The following CADM2 variants were observed in gnomAD, a reference collection of about 807,000 sequenced individuals.
The protein encoded by CADM2 is cell adhesion molecule 2, also known as immunoglobulin superfamily member 4D.
In CADM2, 12 loss-of-function variants were observed where a neutral mutation model predicts 49.8. The observed-to-expected ratio is 0.24, with a 90% CI of 0.15 to 0.39. The LOEUF is 0.39. Among genes scored for constraint, CADM2 ranks in the 10% least tolerant of loss-of-function variants. The pLI is 1.00. For synonymous variants in CADM2, 214 were observed against 175.4 expected (o/e 1.22, Z -1.74); for missense variants, 378 against 492.3 (o/e 0.77, Z 2.20).
At chr3:85,135,487 T>C (rs1400442535) in intron 1 of CADM2, among the ~76,000 whole-genome samples, 1 of 152,118 alleles carries the variant, frequency 6.6e-6, no homozygotes, top group Non-Finnish European at 1.5e-5. Flanking sequence ...TGTATAATGC[T>C]GTAGAATTTA....
intron 1 of CADM2, among the ~76,000 whole-genome samples, chr3:85,109,457 GA>G (rs1479877007): frequency 6.6e-6 from 1 of 151,798 alleles, no homozygotes; most frequent in Non-Finnish European, 1.5e-5. Flanking sequence ...AGTAGGGGGG[GA>G]AATAGTAAAG....
intron 1 of CADM2, among the ~76,000 whole-genome samples, chr3:85,512,707 A>G (rs879325698): frequency 9.2e-5 from 14 of 152,088 alleles, no homozygotes; most frequent in Admixed American, 5.2e-4. Flanking sequence ...TTTCAAATAC[A>G]AAAAGATACT....
intron 6 of CADM2, among the ~76,000 whole-genome samples, chr3:85,922,241 A>C (rs1302041058): frequency 7.0e-6 from 1 of 142,216 alleles, no homozygotes; most frequent in African/African-American, 2.6e-5. Context: ...CTATATTGTA[A>C]TTATGTTATG....
intron 1 of CADM2, among the ~76,000 whole-genome samples, chr3:85,384,264 A>G (rs2034078969): frequency 1.3e-5 from 2 of 152,050 alleles, no homozygotes; most frequent in South Asian, 4.1e-4. Flanking sequence ...GCTGAAATGC[A>G]TGTGTGCATT....
At chr3:85,290,210 C>T (rs145761972) in intron 1 of CADM2, among the ~76,000 whole-genome samples, 4,611 of 152,232 alleles carry the variant, frequency 0.03, 90 homozygotes, top group South Asian at 0.047. Flanking sequence ...CACTCCCACC[C>T]GAATACTGCG....
At chr3:85,212,860 T>TCTCTCTCTCTCTCTCTCTC (rs1559723747) in intron 1 of CADM2, among the ~76,000 whole-genome samples, 1 of 114,858 alleles carries the variant, frequency 8.7e-6, no homozygotes, top group Non-Finnish European at 1.9e-5. Context: ...CTTTCTTTCT[T>TCTCTCTCTCTCTCTCTCTC]TCTTTCTTTC....
At chr3:85,701,979 GATAGAT>G (rs1289351228) in intron 1 of CADM2, among the ~76,000 whole-genome samples, 1 of 60,922 alleles carries the variant, frequency 1.6e-5, no homozygotes, top group Non-Finnish European at 3.5e-5. Flanking sequence ...GACATAGATA[GATAGAT>G]AGATAGATAG....
intron 1 of CADM2, among the ~76,000 whole-genome samples, chr3:85,288,503 ATAT>A (rs1468805604): frequency 6.6e-6 from 1 of 152,098 alleles, no homozygotes; most frequent in Non-Finnish European, 1.5e-5. Flanking sequence ...TAAAATAATA[ATAT>A]TAATATTGAT....
intron 1 of CADM2, among the ~76,000 whole-genome samples, chr3:85,348,246 T>C (rs886801847): frequency 1.3e-5 from 2 of 152,138 alleles, no homozygotes; most frequent in Admixed American, 1.3e-4. Context: ...TCTCTCTTAC[T>C]CTAGGAAAGG....
chr3:86,012,516 GGAGGCCGGGAGCGGAGGGCT>G, intron 8 of CADM2: 1 of 1,286,544 alleles, frequency 7.8e-7, no homozygotes, highest in Non-Finnish European at 1.1e-6. Context: ...ACTGCCCTGA[GGAGGCCGGGAGCGGAGGGCT>G]GGGCCAGCCA....
At chr3:85,297,158 A>G (rs1230391019) in intron 1 of CADM2, among the ~76,000 whole-genome samples, 1 of 151,550 alleles carries the variant, frequency 6.6e-6, no homozygotes, top group Non-Finnish European at 1.5e-5. Flanking sequence ...TAGCATGTGC[A>G]CTTTTATTGA....
chr3:85,690,293 G>C (rs982751082), intron 1 of CADM2, among the ~76,000 whole-genome samples: 1 of 151,936 alleles, frequency 6.6e-6, no homozygotes, highest in African/African-American at 2.4e-5. Context: ...AAGTAAAGGA[G>C]GCCTGAAGAG....
intron 3 of CADM2, among the ~76,000 whole-genome samples, chr3:85,804,776 G>C (rs934526538): frequency 6.6e-6 from 1 of 152,062 alleles, no homozygotes; most frequent in Non-Finnish European, 1.5e-5. Context: ...TGCCATAAAA[G>C]ATTTGCAAAG....
chr3:85,845,060 C>G (rs1489868113), intron 3 of CADM2, among the ~76,000 whole-genome samples: 9 of 143,994 alleles, frequency 6.3e-5, no homozygotes, highest in Admixed American at 2.2e-4. Context: ...GAGGTTAATA[C>G]AAGGAGGTTC....
chr3:85,503,621 C>T (rs1225381133), intron 1 of CADM2, among the ~76,000 whole-genome samples: 1 of 152,140 alleles, frequency 6.6e-6, no homozygotes, highest in East Asian at 1.9e-4. Flanking sequence ...ACTGTCAACA[C>T]CGTATTGTAT....
chr3:85,691,011 G>T (rs2066368342), intron 1 of CADM2, among the ~76,000 whole-genome samples: 1 of 152,080 alleles, frequency 6.6e-6, no homozygotes, highest in Non-Finnish European at 1.5e-5. Context: ...AGAAAACTCA[G>T]ATTTATTCCT....
At chr3:85,174,592 T>C (rs756336486) in intron 1 of CADM2, among the ~76,000 whole-genome samples, 2 of 151,842 alleles carry the variant, frequency 1.3e-5, no homozygotes, top group Non-Finnish European at 2.9e-5. Flanking sequence ...AGGGTGACCG[T>C]AAGGAAAACA....
rs72175865 is a variant in CADM2, at chr3:85,465,148, TCAAAA to T, written c.62-261355_62-261351del. On this transcript the variant is annotated intron_variant, in intron 1 of 9. Transcript: ENST00000383699. ...CTGGGAGACAGAACGAGACTCTGTCTCAAAACAAAACAAAACAAAACAACAACAAC... is the reference window on the plus strand; with the variant it reads ...CTGGGAGACAGAACGAGACTCTGTCTCAAAACAAAACAAAACAACAACAAC... Among the ~76,000 whole-genome samples the T allele has an allele frequency of 1.6e-3, 244 of 152,172 alleles. 1 individual carries two copies. Among genetic ancestry groups the T allele is most frequent in the African/African-American group, 4.6e-3 (193 of 41,508 alleles).
At chr3:85,298,897 T>A (rs2044030510) in intron 1 of CADM2, among the ~76,000 whole-genome samples, 1 of 152,012 alleles carries the variant, frequency 6.6e-6, no homozygotes, top group African/African-American at 2.4e-5. Flanking sequence ...CTATTTCAAA[T>A]CTAGAACCAG....
Sources: gnomAD v4.1 joint callset for allele counts (sites outside exome capture counted in the v4.1 genomes callset) on GRCh38, gnomAD v4.1.1 for gene constraint, MANE v1.5 for transcripts, NCBI Gene and HGNC (gene_info 2026-07-23, HGNC 2026-07-21) for gene names.